Variants in RNF212 observed in about 807,000 individuals in gnomAD.
The protein encoded by RNF212 is probable E3 SUMO-protein ligase RNF212.
A neutral mutation model predicts 34.7 loss-of-function variants in RNF212; 33 were observed. That is an observed-to-expected ratio of 0.95 (90% CI 0.72 to 1.27). RNF212 has a LOEUF of 1.27. RNF212 is among the 50% of genes most tolerant of loss of function. The pLI, the probability that RNF212 is intolerant of heterozygous loss-of-function variation, is 0.00. For missense variants in RNF212, 377 were observed against 362.2 expected, an observed-to-expected ratio of 1.04 and a Z score of -0.33; for synonymous variants, 140 against 136.1, an observed-to-expected ratio of 1.03 and a Z score of -0.20.
chr4:1,093,419 T>C (rs1473355035), intron 3 of RNF212: 1 of 1,424,282 alleles, frequency 7.0e-7, no homozygotes, highest in Non-Finnish European at 9.2e-7. Flanking sequence ...AGAGCATAAA[T>C]GTTACAATAC....
At chr4:1,082,709 C>G (rs62294746) in intron 5 of RNF212, among the ~76,000 whole-genome samples, 6,780 of 152,320 alleles carry the variant, frequency 0.045, 169 homozygotes, top group Middle Eastern at 0.075. Flanking sequence ...ACAGAAGCTC[C>G]CAGAGGACGG....
rs1205533613 is a variant in RNF212 at position 1,082,818 on chromosome 4, T to A, written c.363-1199A>T. ...AAACACTGGCTGCTGCGTGGCTGAC[T>A]GTGGTGGGCGGAAGTACCTGAGCCT... On this transcript the variant is annotated intron_variant, in intron 5 of 9. Coordinates refer to ENST00000433731, the MANE Select transcript of RNF212 (RefSeq NM_001131034.4). Among the ~76,000 whole-genome samples the A allele has an allele frequency of 2.0e-5, 3 of 152,242 alleles. No individual in the cohort carries two copies. In the South Asian group the frequency reaches 6.2e-4, roughly 32 times the overall value.
At chr4:1,062,604 T>C (rs552704643) in intron 3 of RNF212, among the ~76,000 whole-genome samples, 75 of 152,326 alleles carry the variant, frequency 4.9e-4, no homozygotes, top group African/African-American at 1.7e-3. Context: ...GACAAGGATG[T>C]CTGTTCTTGC....
Position 1,056,592 on chromosome 4 carries a change from T to C in RNF212, n.221-89A>G, listed in dbSNP as rs561148584. 168 of 609,874 alleles carry C rather than the reference T, an allele frequency of 2.8e-4. No homozygotes were observed. The South Asian group carries it at 0.011, about 38-fold the overall frequency. The allele number at this position is 609,874 out of a possible 1,614,324, so 37.8% of individuals were successfully genotyped here. A position where few individuals can be genotyped will look rare whatever the true frequency, so the allele number is the denominator to read the frequency against. ...TCACTAAAATGTGTATTTTAAAAAA[T>C]TCAGATGTCATCTTAGTATTTTCAG... On this transcript the variant is annotated intron_variant and non_coding_transcript_variant, in intron 4 of 4. Coordinates refer to the RNF212 transcript ENST00000503206.
chr4:1,068,304 C>T (rs148820241), downstream of RNF212, among the ~76,000 whole-genome samples: 1,176 of 152,256 alleles, frequency 7.7e-3, 27 homozygotes, highest in African/African-American at 0.027. Context: ...CCTCACTGGC[C>T]GTTCTGCTAT....
At chr4:1,093,563 C>G (rs1560138589) in intron 3 of RNF212, 3 of 1,536,060 alleles carry the variant, frequency 2.0e-6, no homozygotes, top group Non-Finnish European at 8.7e-7. Context: ...ATGCCGGAAG[C>G]CTGAGAGGCA....
At position 1,112,857 on chromosome 4, in the gene RNF212, C is replaced by T. The variant is rs1466012543; in HGVS notation, c.109+499G>A. The stretch of plus-strand genomic sequence containing the variant: ...ACCCCCCACATCCCCCACCTTGCCC[C>T]CCTCCTCTGGCGTCCCCTTCCTCCC... On this transcript the variant is annotated intron_variant, in intron 1 of 9. Transcript: ENST00000433731. 6.2e-5 allele frequency among the ~76,000 whole-genome samples: 5 copies of T among 80,044 alleles called. No homozygotes were observed. The East Asian group carries it at 2.2e-3, about 36-fold the overall frequency. The allele number at this position is 80,044 out of a possible 152,430, so 52.5% of individuals were successfully genotyped here.
chr4:1,091,228 C>T (rs151010222), intron 3 of RNF212, among the ~76,000 whole-genome samples: 1,551 of 152,266 alleles, frequency 0.01, 11 homozygotes, highest in Middle Eastern at 0.017. Flanking sequence ...TGAGGCTAAG[C>T]GAGACCCACA....
intron 2 of RNF212, among the ~76,000 whole-genome samples, chr4:1,104,974 C>T (rs1162263316): frequency 6.6e-6 from 1 of 152,130 alleles, no homozygotes; most frequent in African/African-American, 2.4e-5. Flanking sequence ...GGCTGGACTG[C>T]AGCTCTGCCT....
intron 5 of RNF212, among the ~76,000 whole-genome samples, chr4:1,084,907 A>G (rs1485061231): frequency 2.0e-5 from 3 of 152,228 alleles, no homozygotes; most frequent in Admixed American, 2.0e-4. Context: ...CACCAGAGGC[A>G]ATCAGAACCT....
chr4:1,072,109 AG>A lies in RNF212; in HGVS notation c.*764del, dbSNP rs1718556699. 1 of 152,190 alleles carries A rather than the reference AG, an allele frequency of 6.6e-6. No homozygotes were observed. Among genetic ancestry groups the A allele is most frequent in the Admixed American group, 6.5e-5 (1 of 15,278 alleles). The allele number at this position is 152,190 out of a possible 1,614,324, so 9.4% of individuals were successfully genotyped here. On this transcript the variant is annotated 3_prime_UTR_variant, in exon 10 of 10. Transcript: ENST00000433731. ...TGAAAAAATGAGCTAGCAAACCATG[AG>A]AAGAGATGGGGGAACCATAAGTGTG... is the stretch of plus-strand genomic sequence containing the variant.
At chr4:1,089,512 T>C (rs769087316) in intron 4 of RNF212, among the ~76,000 whole-genome samples, 2 of 152,104 alleles carry the variant, frequency 1.3e-5, no homozygotes, top group Non-Finnish European at 2.9e-5. Flanking sequence ...GACTTCTGAG[T>C]TTATGCGGGA....
intron 7 of RNF212, among the ~76,000 whole-genome samples, chr4:1,080,233 G>A (rs1327067488): frequency 1.3e-5 from 2 of 152,176 alleles, no homozygotes; most frequent in Non-Finnish European, 2.9e-5. Context: ...TGATCTCTGC[G>A]GAAAGAGGCT....
At chr4:1,093,462 AC>A (rs1176639281) in intron 3 of RNF212, 1 of 1,443,188 alleles carries the variant, frequency 6.9e-7, no homozygotes, top group African/African-American at 1.4e-5. Flanking sequence ...GGAAAACTCC[AC>A]CCTGCGTTTG....
At chr4:1,103,579 A>C (rs1391438507) in intron 2 of RNF212, among the ~76,000 whole-genome samples, 1 of 151,962 alleles carries the variant, frequency 6.6e-6, no homozygotes, top group Non-Finnish European at 1.5e-5. Flanking sequence ...CTAGAATCTA[A>C]CGTGGGTTTC....
At chr4:1,092,855 C>T (rs1232212861) in intron 3 of RNF212, among the ~76,000 whole-genome samples, 1 of 152,226 alleles carries the variant, frequency 6.6e-6, no homozygotes, top group East Asian at 1.9e-4. Flanking sequence ...CTCACGCGGA[C>T]TCTCGCCAAG....
intron 4 of RNF212, among the ~76,000 whole-genome samples, chr4:1,088,153 C>T (rs1304560442): frequency 6.6e-6 from 1 of 152,086 alleles, no homozygotes; most frequent in African/African-American, 2.4e-5. Context: ...TTTGGAACTT[C>T]CTAGAGAGTT....
intron 4 of RNF212, among the ~76,000 whole-genome samples, chr4:1,088,610 C>T (rs959359442): frequency 2.0e-5 from 3 of 152,324 alleles, no homozygotes; most frequent in South Asian, 2.1e-4. Context: ...GGAGCCAGGA[C>T]GGTGGAGAAA....
intron 9 of RNF212, among the ~76,000 whole-genome samples, 166 bp from the exon 10 acceptor site, chr4:1,073,359 G>A (rs1392348372): frequency 2.0e-5 from 3 of 152,180 alleles, no homozygotes; most frequent in Admixed American, 6.5e-5. Flanking sequence ...AAACCAAGAG[G>A]ACATAGAATG....
Sources: allele counts gnomAD v4.1 joint callset (sites outside exome capture counted in the v4.1 genomes callset), GRCh38; gene constraint gnomAD v4.1.1; transcripts MANE v1.5; gene names NCBI Gene and HGNC (gene_info 2026-07-23, HGNC 2026-07-21).